TSPAN8: variants seen among roughly 807,000 people sequenced by gnomAD.
TSPAN8 encodes tetraspanin 8.
In TSPAN8, 21 loss-of-function variants were observed where a neutral mutation model predicts 32.8. That is an observed-to-expected ratio of 0.64 (90% CI 0.45 to 0.92). TSPAN8 has a LOEUF of 0.92. Ranked by LOEUF, TSPAN8 falls within the 40% of genes least tolerant of loss-of-function variation. The probability of loss-of-function intolerance (pLI) is 0.00; values close to 1 mark genes in which losing one functional copy is unlikely to be tolerated. For synonymous variants in TSPAN8, 95 were observed against 94.6 expected, an observed-to-expected ratio of 1.00 and a Z score of -0.03; for missense variants, 269 against 281.9, an observed-to-expected ratio of 0.95 and a Z score of 0.33.
Position 71,125,251 on chromosome 12 carries a change from T to C in TSPAN8, c.*83A>G. On this transcript the variant is annotated 3_prime_UTR_variant, in exon 9 of 9. Transcript: ENST00000247829. ...AAAAGACAGCTGCTCCTGACTTATA[T>C]AGCACTTACATATTTAAATTTACAA... The C allele has an allele frequency of 1.7e-6, 2 of 1,204,270 alleles. No individual in the cohort carries two copies. The highest frequency in any genetic ancestry group is 1.2e-6 in the Non-Finnish European group (1 of 833,680). 74.6% of individuals were successfully genotyped at this position (1,204,270 alleles called of 1,614,324 possible).
intron 6 of TSPAN8, among the ~76,000 whole-genome samples, chr12:71,133,673 G>T (rs1052691589): frequency 3.9e-5 from 6 of 152,070 alleles, no homozygotes; most frequent in African/African-American, 1.4e-4. Flanking sequence ...GAAGAATGAA[G>T]CTCTTAGAAT....
intron 2 of TSPAN8, among the ~76,000 whole-genome samples, chr12:71,154,117 T>C (rs1454735832): frequency 5.3e-5 from 8 of 152,022 alleles, no homozygotes; most frequent in Non-Finnish European, 8.8e-5. Context: ...GAGACCAGCC[T>C]GGCCAACATG....
At chr12:71,135,356 AAAG>A (rs201523360) in intron 6 of TSPAN8, among the ~76,000 whole-genome samples, 1,367 of 128,958 alleles carry the variant, frequency 0.011, 16 homozygotes, top group African/African-American at 0.038. Context: ...GAAGGAGGAG[AAAG>A]AAGAAGAAGA....
At chr12:71,136,398 A>G (rs1190179143) in intron 6 of TSPAN8, among the ~76,000 whole-genome samples, 2 of 152,262 alleles carry the variant, frequency 1.3e-5, no homozygotes, top group Non-Finnish European at 2.9e-5. Flanking sequence ...GTAGATGACC[A>G]TAAATATAAA....
At chr12:71,131,568 C>A (rs1260763340) in intron 7 of TSPAN8, among the ~76,000 whole-genome samples, 1 of 151,344 alleles carries the variant, frequency 6.6e-6, no homozygotes, top group Non-Finnish European at 1.5e-5. Flanking sequence ...AATATTAATT[C>A]ATTGTGATTT....
chr12:71,128,257 T>C (rs143065399), intron 8 of TSPAN8, among the ~76,000 whole-genome samples: 225 of 152,330 alleles, frequency 1.5e-3, no homozygotes, highest in Admixed American at 6.8e-3. Context: ...CTTTCTCTAA[T>C]AGCTGCCTGG....
intron 8 of TSPAN8, among the ~76,000 whole-genome samples, chr12:71,128,216 A>G (rs1001749201): frequency 6.6e-6 from 1 of 152,180 alleles, no homozygotes; most frequent in African/African-American, 2.4e-5. Context: ...GTAATAACCC[A>G]CAGTTTAATT....
chr12:71,139,092 CATTT>C (rs1219839667), intron 4 of TSPAN8: 1 of 456,070 alleles, frequency 2.2e-6, no homozygotes, highest in Non-Finnish European at 4.4e-6. Flanking sequence ...TTATCTCATT[CATTT>C]AAACTTTTTT....
intron 2 of TSPAN8, among the ~76,000 whole-genome samples, chr12:71,153,227 A>C (rs937052120): frequency 6.6e-6 from 1 of 152,220 alleles, no homozygotes; most frequent in Non-Finnish European, 1.5e-5. Flanking sequence ...GGAGCATTAA[A>C]AAATTGGGGC....
intron 6 of TSPAN8, among the ~76,000 whole-genome samples, chr12:71,136,496 A>C (rs1231831736): frequency 2.0e-5 from 3 of 152,222 alleles, no homozygotes; most frequent in African/African-American, 7.2e-5. Context: ...ACATGCATAT[A>C]TTCAGAAGGA....
At chr12:71,129,940 T>C (rs1186614876) in intron 7 of TSPAN8, among the ~76,000 whole-genome samples, 1 of 140,956 alleles carries the variant, frequency 7.1e-6, no homozygotes, top group African/African-American at 2.5e-5. Context: ...ATTTTCTTTT[T>C]TTCTTTCTTT....
intron 2 of TSPAN8, among the ~76,000 whole-genome samples, chr12:71,154,354 A>ATC (rs1565790662): frequency 2.1e-4 from 30 of 145,350 alleles, no homozygotes; most frequent in African/African-American, 7.4e-4. Flanking sequence ...TAATAATAAT[A>ATC]ATCAGAGCTC....
At chr12:71,140,832 C>G (rs1306459439) in intron 3 of TSPAN8, among the ~76,000 whole-genome samples, 1 of 152,216 alleles carries the variant, frequency 6.6e-6, no homozygotes, top group African/African-American at 2.4e-5. Flanking sequence ...TCTATAACCT[C>G]TATCTACTGG....
chr12:71,149,107 A>C (rs1375401953), intron 2 of TSPAN8, among the ~76,000 whole-genome samples: 1 of 152,146 alleles, frequency 6.6e-6, no homozygotes, highest in African/African-American at 2.4e-5. Flanking sequence ...TCTGATTTAG[A>C]GTTCATTCAG....
Position 71,139,764 on chromosome 12 carries a change from C to G in TSPAN8, c.208G>C (p.Gly70Arg). ...ATAGCACCGCAGCATCCCAGGAAGC[C>G]CAGAATCATGATGATGGCACCTACA... ...IAVGAIIMILGFLGCCGAIKE... is the reference protein window; with the variant it reads ...IAVGAIIMILRFLGCCGAIKE... Residue 70 changes from glycine to arginine, a missense_variant, in exon 4 of 9, where the codon GGC becomes CGC. Coordinates refer to ENST00000247829, the MANE Select transcript of TSPAN8 (RefSeq NM_004616.3). The G allele has an allele frequency of 6.2e-7, 1 of 1,613,922 alleles. No individual in the cohort carries two copies. Among genetic ancestry groups the G allele is most frequent in the Non-Finnish European group, 8.5e-7 (1 of 1,179,922 alleles).
intron 2 of TSPAN8, among the ~76,000 whole-genome samples, chr12:71,145,108 G>A (rs1480390646): frequency 1.3e-5 from 2 of 152,128 alleles, no homozygotes; most frequent in African/African-American, 4.8e-5. Context: ...TGCTCTGACA[G>A]ACAAATGTCC....
Position 71,132,812 on chromosome 12 carries a change from C to A in TSPAN8, c.457G>T (p.Gly153Cys). 1 of 1,613,770 alleles carries A rather than the reference C, an allele frequency of 6.2e-7. No individual in the cohort carries two copies. The highest frequency in any genetic ancestry group is 8.5e-7 in the Non-Finnish European group (1 of 1,179,934). ...IVFQEEFKCC[G>C]LVNGAADWGN... ...CAATCAGCAGCTCCATTGACCAAAC[C>A]GCAGCATTTAAACTGTTTGATAAAA... Residue 153 changes from glycine (G) to cysteine (C), a missense_variant, in exon 7 of 9, where the codon GGT becomes TGT. Physicochemically the swap from Gly to Cys is radical, Grantham distance 159. Transcript: ENST00000247829.
chr12:71,144,690 A>G (rs915030275), intron 2 of TSPAN8, among the ~76,000 whole-genome samples: 5 of 152,182 alleles, frequency 3.3e-5, no homozygotes, highest in African/African-American at 9.6e-5. Context: ...TAGAGGGGGA[A>G]AAAGTAAAAC....
At chr12:71,126,109 T>C (rs914078162) in intron 8 of TSPAN8, among the ~76,000 whole-genome samples, 3 of 152,090 alleles carry the variant, frequency 2.0e-5, no homozygotes, top group African/African-American at 7.2e-5. Context: ...GCATTACCAA[T>C]AGAAAGTTTC....
Sources: gnomAD v4.1 joint callset for allele counts (sites outside exome capture counted in the v4.1 genomes callset) on GRCh38, gnomAD v4.1.1 for gene constraint, MANE v1.5 for transcripts, NCBI Gene and HGNC (gene_info 2026-07-23, HGNC 2026-07-21) for gene names.